Variants in TMTC2 observed in about 807,000 individuals in gnomAD.
TMTC2 encodes transmembrane O-mannosyltransferase targeting cadherins 2, also known as protein O-mannosyl-transferase TMTC2.
TMTC2 carries 43 observed loss-of-function variants against 82.4 expected under a neutral mutation model. That is an observed-to-expected ratio of 0.52 (90% CI 0.41 to 0.67). The LOEUF (loss-of-function observed/expected upper bound fraction) is 0.67, where lower values mean the gene tolerates loss of function less well. TMTC2 is among the 30% of genes least tolerant of loss of function. The pLI is 0.00. For missense variants in TMTC2, 919 were observed against 1,012.4 expected (o/e 0.91, Z 1.25); for synonymous variants, 408 against 381.9 (o/e 1.07, Z -0.80).
chr12:82,930,664 G>C, intron 4 of TMTC2, 119 bp downstream of exon 4: 1 of 567,102 alleles, frequency 1.8e-6, no homozygotes, highest in Non-Finnish European at 3.1e-6. Flanking sequence ...TAGTCTTTTT[G>C]TTAATCATGC....
chr12:83,114,361 G>T lies in TMTC2; in HGVS notation c.2332-17849G>T, dbSNP rs563124629. 4.1e-4 allele frequency among the ~76,000 whole-genome samples: 62 copies of T among 152,272 alleles called. 1 individual carries two copies. Among genetic ancestry groups the T allele is most frequent in the East Asian group, 7.7e-4 (4 of 5,178 alleles). On this transcript the variant is annotated intron_variant, in intron 11 of 11. Transcript: ENST00000321196. Reference sequence around the variant, plus strand: ...TAATCAGGAAGAAGATCCTCACCAAGAACCAGGCTATGCTAGCAGCCTGAT... The same window carrying T: ...TAATCAGGAAGAAGATCCTCACCAATAACCAGGCTATGCTAGCAGCCTGAT...
At chr12:82,816,958 T>G (rs867267242) in intron 1 of TMTC2, among the ~76,000 whole-genome samples, 2 of 151,558 alleles carry the variant, frequency 1.3e-5, no homozygotes, top group South Asian at 4.1e-4. Flanking sequence ...TCAGGAATTT[T>G]TCTTTCTTTG....
intron 1 of TMTC2, among the ~76,000 whole-genome samples, chr12:82,842,037 G>A (rs1266560072): frequency 1.3e-5 from 2 of 152,148 alleles, no homozygotes; most frequent in Non-Finnish European, 2.9e-5. Flanking sequence ...CTTTCAAATC[G>A]TCTTGCAAAC....
intron 1 of TMTC2, among the ~76,000 whole-genome samples, chr12:82,830,162 G>T (rs1481311437): frequency 1.3e-5 from 2 of 152,074 alleles, no homozygotes; most frequent in Non-Finnish European, 2.9e-5. Context: ...AATTTGTTTG[G>T]ATTTTAAATG....
At chr12:83,018,187 T>C in intron 8 of TMTC2, among the ~76,000 whole-genome samples, 1 of 152,154 alleles carries the variant, frequency 6.6e-6, no homozygotes, top group East Asian at 1.9e-4. Context: ...CATCATCCGC[T>C]ACCTTTTATG....
At chr12:82,818,354 G>A (rs1234873459) in intron 1 of TMTC2, among the ~76,000 whole-genome samples, 1 of 151,982 alleles carries the variant, frequency 6.6e-6, no homozygotes, top group Non-Finnish European at 1.5e-5. Context: ...TTGCAAAATT[G>A]AAACTGTTTA....
intron 1 of TMTC2, among the ~76,000 whole-genome samples, chr12:82,798,725 T>C (rs1002293831): frequency 6.7e-6 from 1 of 148,232 alleles, no homozygotes; most frequent in African/African-American, 2.5e-5. Flanking sequence ...GAGAATCGCT[T>C]GAACCCGGAA....
At chr12:82,833,479 C>T (rs573939705) in intron 1 of TMTC2, among the ~76,000 whole-genome samples, 176 of 152,276 alleles carry the variant, frequency 1.2e-3, no homozygotes, top group Admixed American at 3.2e-3. Context: ...GAGGTTCTTT[C>T]TTGAAGAGAT....
chr12:82,850,653 G>A (rs1466511547), intron 1 of TMTC2, among the ~76,000 whole-genome samples: 1 of 152,152 alleles, frequency 6.6e-6, no homozygotes, highest in African/African-American at 2.4e-5. Context: ...AAAGACTACA[G>A]TTATCACTTC....
At chr12:82,815,755 T>C (rs1366558563) in intron 1 of TMTC2, among the ~76,000 whole-genome samples, 2 of 152,046 alleles carry the variant, frequency 1.3e-5, no homozygotes, top group Non-Finnish European at 2.9e-5. Context: ...ACCCGGCAAA[T>C]CTAAAGAACT....
At chr12:82,772,514 T>C (rs1298875208) in intron 1 of TMTC2, among the ~76,000 whole-genome samples, 1 of 152,234 alleles carries the variant, frequency 6.6e-6, no homozygotes, top group Non-Finnish European at 1.5e-5. Flanking sequence ...TTGTGAGTAG[T>C]GGCTACCAGT....
chr12:82,896,111 C>T lies in TMTC2; in HGVS notation c.948C>T (p.Phe316=), dbSNP rs1339233217. The T allele has an allele frequency of 1.1e-5, 17 of 1,613,906 alleles. No individual in the cohort carries two copies. Among genetic ancestry groups the T allele is most frequent in the African/African-American group, 8.0e-5 (6 of 74,878 alleles). Residue 316 remains phenylalanine (F), a synonymous_variant, in exon 3 of 12, where the codon TTC becomes TTT. Transcript: ENST00000321196. ...GGAGAAACCTACACACTGTGGCCTT[C>T]TATACTGGACTCCTTCTCCTTGCCT... ...CDWRNLHTVA[F]YTGLLLLAYY...
intron 2 of TMTC2, among the ~76,000 whole-genome samples, chr12:82,882,543 T>C (rs1872886625): frequency 6.6e-6 from 1 of 152,124 alleles, no homozygotes; most frequent in Non-Finnish European, 1.5e-5. Context: ...GGGAAGAGGA[T>C]GACCCTCTTG....
At chr12:82,941,552 G>A (rs970977773) in intron 4 of TMTC2, among the ~76,000 whole-genome samples, 11 of 152,120 alleles carry the variant, frequency 7.2e-5, no homozygotes, top group South Asian at 4.1e-4. Context: ...CTTGCAACCT[G>A]TCTGACCCAC....
chr12:83,050,210 A>C (rs1385421855), intron 9 of TMTC2, among the ~76,000 whole-genome samples: 1 of 152,170 alleles, frequency 6.6e-6, no homozygotes, highest in Non-Finnish European at 1.5e-5. Flanking sequence ...TACTACCGTT[A>C]CTGTTCAATC....
chr12:82,799,304 T>C (rs529266495), intron 1 of TMTC2, among the ~76,000 whole-genome samples: 6 of 152,180 alleles, frequency 3.9e-5, no homozygotes, highest in Non-Finnish European at 8.8e-5. Flanking sequence ...GCCTCCATGT[T>C]GCAGGAAGAG....
intron 8 of TMTC2, among the ~76,000 whole-genome samples, chr12:83,017,805 T>G (rs1245888475): frequency 1.0e-5 from 1 of 99,086 alleles, no homozygotes; most frequent in African/African-American, 3.5e-5. Context: ...ATCCTTGGAT[T>G]TATAACTGAA....
At chr12:82,840,000 G>C (rs1340768783) in intron 1 of TMTC2, among the ~76,000 whole-genome samples, 2 of 152,092 alleles carry the variant, frequency 1.3e-5, no homozygotes, top group African/African-American at 4.8e-5. Context: ...CAAAGTCCTA[G>C]AGAATATGCA....
At chr12:83,029,636 C>G (rs574335939) in intron 8 of TMTC2, among the ~76,000 whole-genome samples, 1 of 152,278 alleles carries the variant, frequency 6.6e-6, no homozygotes, top group South Asian at 2.1e-4. Flanking sequence ...CAGTGCCTTA[C>G]TACCCTTCAT....
Sources: allele counts gnomAD v4.1 joint callset (sites outside exome capture counted in the v4.1 genomes callset), GRCh38; gene constraint gnomAD v4.1.1; transcripts MANE v1.5; gene names NCBI Gene and HGNC (gene_info 2026-07-23, HGNC 2026-07-21).